The following CDH13 variants were observed in gnomAD, a reference collection of about 807,000 sequenced individuals.
CDH13 encodes the protein cadherin 13.
A neutral mutation model predicts 63.8 loss-of-function variants in CDH13; 24 were observed. The ratio of observed to expected loss-of-function variants is 0.38; its 90% CI spans 0.27 to 0.53. The LOEUF is 0.53. Ranked by LOEUF, CDH13 falls within the 20% of genes least tolerant of loss-of-function variation. The probability of loss-of-function intolerance (pLI) is 0.85; values close to 1 mark genes in which losing one functional copy is unlikely to be tolerated. For missense variants in CDH13, 1,049 were observed against 903.1 expected (o/e 1.16, Z -2.07); for synonymous variants, 503 against 355.3 (o/e 1.42, Z -4.67).
chr16:83,634,113 T>C (rs1390081217), intron 8 of CDH13, among the ~76,000 whole-genome samples: 1 of 73,150 alleles, frequency 1.4e-5, no homozygotes, highest in Non-Finnish European at 2.8e-5. Flanking sequence ...TTTTTGTGTG[T>C]TTTCTGTGTG....
At chr16:83,227,113 C>T (rs1232956163) in intron 5 of CDH13, among the ~76,000 whole-genome samples, 1 of 152,138 alleles carries the variant, frequency 6.6e-6, no homozygotes, top group Non-Finnish European at 1.5e-5. Flanking sequence ...CGAAAGACTG[C>T]AAGATTGAAA....
chr16:82,689,542 A>C (rs976848310), intron 1 of CDH13, among the ~76,000 whole-genome samples: 1 of 152,210 alleles, frequency 6.6e-6, no homozygotes, highest in African/African-American at 2.4e-5. Flanking sequence ...CGAGGATGAC[A>C]GGAGTGACTT....
chr16:82,751,585 C>G (rs1252529567), intron 1 of CDH13, among the ~76,000 whole-genome samples: 1 of 151,906 alleles, frequency 6.6e-6, no homozygotes, highest in Non-Finnish European at 1.5e-5. Context: ...GGACAGAGCC[C>G]CAGGTTCCTG....
chr16:83,433,723 T>A (rs1163920774), intron 6 of CDH13, among the ~76,000 whole-genome samples: 1 of 152,230 alleles, frequency 6.6e-6, no homozygotes, highest in Non-Finnish European at 1.5e-5. Context: ...CAGGCTGATG[T>A]AGATTCCTTG....
intron 3 of CDH13, among the ~76,000 whole-genome samples, chr16:83,075,582 T>C (rs1211472872): frequency 6.6e-6 from 1 of 152,222 alleles, no homozygotes; most frequent in Non-Finnish European, 1.5e-5. Flanking sequence ...ACTCTCATCA[T>C]GTTTGGATTC....
chr16:83,463,738 A>G (rs2073238614), intron 6 of CDH13, among the ~76,000 whole-genome samples: 1 of 152,204 alleles, frequency 6.6e-6, no homozygotes, highest in Non-Finnish European at 1.5e-5. Context: ...CCAGGAGGTC[A>G]GGGCTGCAGT....
intron 5 of CDH13, among the ~76,000 whole-genome samples, chr16:83,302,468 C>A (rs1350862786): frequency 6.6e-6 from 1 of 152,184 alleles, no homozygotes; most frequent in Admixed American, 6.5e-5. Context: ...AGGCATTTTT[C>A]ACACTGCACA....
intron 6 of CDH13, among the ~76,000 whole-genome samples, chr16:83,368,419 C>G (rs1208507699): frequency 1.3e-5 from 2 of 152,118 alleles, no homozygotes; most frequent in East Asian, 3.9e-4. Flanking sequence ...ACGCATTTTC[C>G]CCTCTTCAAC....
intron 1 of CDH13, among the ~76,000 whole-genome samples, chr16:82,842,529 C>G (rs1265902940): frequency 6.6e-6 from 1 of 152,002 alleles, no homozygotes; most frequent in Non-Finnish European, 1.5e-5. Context: ...TTACTCACCC[C>G]TCCATGAGGA....
At chr16:82,850,420 G>T (rs2039435212) in intron 1 of CDH13, among the ~76,000 whole-genome samples, 1 of 152,218 alleles carries the variant, frequency 6.6e-6, no homozygotes, top group South Asian at 2.1e-4. Flanking sequence ...ATAAAAATGT[G>T]AATGGATGAG....
intron 8 of CDH13, among the ~76,000 whole-genome samples, chr16:83,622,610 T>G (rs1909917657): frequency 6.6e-6 from 1 of 152,240 alleles, no homozygotes; most frequent in Admixed American, 6.5e-5. Context: ...CACTGGAGAA[T>G]TTGGGCAAAG....
chr16:83,589,424 C>T (rs989329816), intron 7 of CDH13, among the ~76,000 whole-genome samples: 1 of 151,102 alleles, frequency 6.6e-6, no homozygotes, highest in African/African-American at 2.4e-5. Flanking sequence ...CCCGCTGACA[C>T]TGATGTTTCT....
At chr16:82,801,175 C>T (rs950617859) in intron 1 of CDH13, among the ~76,000 whole-genome samples, 1 of 152,188 alleles carries the variant, frequency 6.6e-6, no homozygotes, top group Admixed American at 6.5e-5. Flanking sequence ...GACTCACTCT[C>T]TGCCCTACAG....
rs187028442 is a variant in CDH13 at position 83,540,601 on chromosome 16, C to T, written c.960+53946C>T. Among the ~76,000 whole-genome samples the T allele has an allele frequency of 5.7e-4, 87 of 152,278 alleles. 1 individual carries two copies. The highest frequency in any genetic ancestry group is 2.0e-3 in the African/African-American group (83 of 41,554). ...CTTAAGTTTCCATTTCTACGTTTGT[C>T]CCTTTGTTCAGTCTCGTAATGACAC... On this transcript the variant is annotated intron_variant, in intron 7 of 13. Coordinates refer to ENST00000567109, the MANE Select transcript of CDH13 (RefSeq NM_001257.5).
At chr16:83,536,598 T>C (rs1036277004) in intron 7 of CDH13, among the ~76,000 whole-genome samples, 3 of 152,086 alleles carry the variant, frequency 2.0e-5, no homozygotes, top group South Asian at 2.1e-4. Flanking sequence ...TTTATACTAA[T>C]GGAAATGGGA....
At chr16:83,201,715 G>C (rs1003848680) in intron 4 of CDH13, among the ~76,000 whole-genome samples, 1 of 151,230 alleles carries the variant, frequency 6.6e-6, no homozygotes, top group Non-Finnish European at 1.5e-5. Context: ...GGCTAACATG[G>C]TGAAACCCCG....
chr16:83,162,587 G>A (rs2037493936), intron 4 of CDH13, among the ~76,000 whole-genome samples: 1 of 150,732 alleles, frequency 6.6e-6, no homozygotes. Flanking sequence ...CTGACAGTCA[G>A]AGGGGAATCA....
At chr16:82,843,273 A>G (rs2039109948) in intron 1 of CDH13, among the ~76,000 whole-genome samples, 1 of 152,216 alleles carries the variant, frequency 6.6e-6, no homozygotes, top group African/African-American at 2.4e-5. Flanking sequence ...GGCAGTCAGT[A>G]GATGTTACTT....
intron 1 of CDH13, among the ~76,000 whole-genome samples, chr16:82,729,450 C>G (rs941938449): frequency 6.6e-6 from 1 of 152,006 alleles, no homozygotes; most frequent in Admixed American, 6.6e-5. Flanking sequence ...TCTTGGGTGA[C>G]CAGCTGCATT....
Sources: gnomAD v4.1 joint callset for allele counts (sites outside exome capture counted in the v4.1 genomes callset) on GRCh38, gnomAD v4.1.1 for gene constraint, MANE v1.5 for transcripts, NCBI Gene and HGNC (gene_info 2026-07-23, HGNC 2026-07-21) for gene names.